The following ZSWIM5 variants were observed in gnomAD, a reference collection of about 807,000 sequenced individuals.
The protein encoded by ZSWIM5 is zinc finger SWIM-type containing 5.
Under a neutral mutation model 119.6 loss-of-function variants are expected in ZSWIM5, and 55 were observed. That is an observed-to-expected ratio of 0.46 (90% CI 0.37 to 0.58). ZSWIM5 has a LOEUF of 0.58. Among genes scored for constraint, ZSWIM5 ranks in the 20% least tolerant of loss-of-function variants. The pLI is 0.00. For missense variants in ZSWIM5, 1,193 were observed against 1,512.8 expected, an observed-to-expected ratio of 0.79 and a Z score of 3.51; for synonymous variants, 537 against 606.9, an observed-to-expected ratio of 0.88 and a Z score of 1.69.
chr1:45,086,642 G>A (rs1426172555), intron 2 of ZSWIM5, among the ~76,000 whole-genome samples: 1 of 152,080 alleles, frequency 6.6e-6, no homozygotes, highest in Non-Finnish European at 1.5e-5. Flanking sequence ...GCGGGGTGGA[G>A]GGCAGGGGAA....
At chr1:45,069,375 A>G (rs967097732) in intron 2 of ZSWIM5, among the ~76,000 whole-genome samples, 31 of 152,004 alleles carry the variant, frequency 2.0e-4, no homozygotes, top group South Asian at 4.2e-4. Context: ...GCAGTGAGCC[A>G]AGATCGTGCC....
chr1:45,072,236 G>A lies in ZSWIM5; in HGVS notation c.953-11989C>T, dbSNP rs1291467426. 6.6e-6 allele frequency among the ~76,000 whole-genome samples: 1 copy of A among 151,916 alleles called. No homozygotes were observed. Among genetic ancestry groups the A allele is most frequent in the African/African-American group, 2.4e-5 (1 of 41,214 alleles). ...ACTTGTATGTCGTCTTTTGAGAAAT[G>A]TCTGTTCAGATCTATTGCCCATTTT... On this transcript the variant is annotated intron_variant, in intron 2 of 13. Coordinates refer to ENST00000359600, the MANE Select transcript of ZSWIM5 (RefSeq NM_020883.2). The surrounding 1 kb of genome is among the most constrained non-coding windows in gnomAD (Gnocchi z 4.1).
chr1:45,052,350 C>CT (rs1160355279), intron 4 of ZSWIM5, among the ~76,000 whole-genome samples: 5 of 151,854 alleles, frequency 3.3e-5, no homozygotes, highest in African/African-American at 1.2e-4. Flanking sequence ...TATAAACATC[C>CT]TTTAGGATGT....
chr1:45,044,202 A>AAAAGAGAG (rs111810805), intron 5 of ZSWIM5, among the ~76,000 whole-genome samples: 2 of 144,112 alleles, frequency 1.4e-5, no homozygotes, highest in African/African-American at 5.1e-5. Flanking sequence ...AAAAAAAAAA[A>AAAAGAGAG]AGAGAGAGAG....
chr1:45,058,824 AGTG>A, intron 3 of ZSWIM5, 65 bp from the exon 4 acceptor site: 1 of 1,583,528 alleles, frequency 6.3e-7, no homozygotes, highest in Non-Finnish European at 8.6e-7. Flanking sequence ...AGGAGAAGGA[AGTG>A]GGGGAGGGGG....
intron 3 of ZSWIM5, 26 bp from the exon 4 acceptor site, chr1:45,058,785 T>C (rs1645137314): frequency 1.2e-6 from 2 of 1,612,664 alleles, no homozygotes; most frequent in South Asian, 1.1e-5. Flanking sequence ...TGGCAAGGGA[T>C]TGGTGATTGT....
Position 45,160,852 on chromosome 1 carries a change from CTCTT to C in ZSWIM5, c.595+44900_595+44903del, listed in dbSNP as rs556100150. On this transcript the variant is annotated intron_variant, in intron 1 of 13. Coordinates refer to ENST00000359600, the MANE Select transcript of ZSWIM5 (RefSeq NM_020883.2). ...TTTTTTTTTTTTTTAGACGGAGTCT[CTCTT>C]TGTCGCCCAGGCTGGAGTGCAGTGG... Among the ~76,000 whole-genome samples, 306 of 143,282 alleles carry C rather than the reference CTCTT, an allele frequency of 2.1e-3. 1 individual carries two copies. The highest frequency in any genetic ancestry group is 7.6e-3 in the African/African-American group (290 of 38,308). The allele number at this position is 143,282 out of a possible 152,430, so 94.0% of individuals were successfully genotyped here.
intron 1 of ZSWIM5, among the ~76,000 whole-genome samples, chr1:45,128,447 C>T (rs1004531096): frequency 2.0e-5 from 3 of 152,296 alleles, no homozygotes; most frequent in Middle Eastern, 3.4e-3. Context: ...GATCCTCCCG[C>T]TTTGGCCTCC....
rs1378385111 is a variant in ZSWIM5, at chr1:45,020,656, A to C, written c.2582T>G (p.Leu861Arg). The change falls in exon 12 of 14, where the codon CTG becomes CGG. Residue 861 changes from leucine (L) to arginine (R), a missense_variant. This residue lies in a region of ZSWIM5 where 961 missense variants were observed against 1,290.0 expected (regional missense o/e 0.74). Transcript: ENST00000359600. ...TPTDSSTDST[L>R]LNVALELGLQ... ...CCCAAGTTCCAGGGCAACGTTGAGC[A>C]GGGTGCTGTCAGTACTACTGTCGGT... The C allele has an allele frequency of 6.2e-7, 1 of 1,614,068 alleles. No individual in the cohort carries two copies. Among genetic ancestry groups the C allele is most frequent in the South Asian group, 1.1e-5 (1 of 91,058 alleles).
At chr1:45,101,862 G>A (rs772228764) in intron 1 of ZSWIM5, among the ~76,000 whole-genome samples, 58 of 152,224 alleles carry the variant, frequency 3.8e-4, no homozygotes, top group Non-Finnish European at 6.8e-4. Flanking sequence ...TACACAGGGC[G>A]GGGAACATCA....
At chr1:45,039,100 G>C in intron 7 of ZSWIM5, 27 bp from the exon 8 acceptor site, 1 of 1,613,206 alleles carries the variant, frequency 6.2e-7, no homozygotes, top group African/African-American at 1.3e-5. Flanking sequence ...TAAAATTTTA[G>C]ACAGTGATAG....
chr1:45,061,799 A>G (rs1167600061), intron 2 of ZSWIM5, among the ~76,000 whole-genome samples: 2 of 148,990 alleles, frequency 1.3e-5, no homozygotes, highest in Admixed American at 1.3e-4. Context: ...CTTTTGAAAT[A>G]TACATTATTG....
intron 2 of ZSWIM5, among the ~76,000 whole-genome samples, chr1:45,062,025 C>T (rs144969764): frequency 7.4e-4 from 113 of 152,100 alleles, no homozygotes; most frequent in Middle Eastern, 3.4e-3. Context: ...GGGAGGTGAA[C>T]ATTGCAGTGA....
chr1:45,081,435 G>A (rs1017767862), intron 2 of ZSWIM5, among the ~76,000 whole-genome samples: 19 of 152,108 alleles, frequency 1.2e-4, no homozygotes, highest in African/African-American at 2.7e-4. Context: ...CTCAGCCTGC[G>A]GAGTGCCTGC....
At chr1:45,060,035 G>T in intron 3 of ZSWIM5, 64 bp downstream of exon 3, 1 of 1,578,136 alleles carries the variant, frequency 6.3e-7, no homozygotes. Context: ...GAAGTGTGGT[G>T]TGCCCAGTCT....
chr1:45,060,441 T>C (rs967912917), intron 2 of ZSWIM5, among the ~76,000 whole-genome samples, 194 bp from the exon 3 acceptor site: 1 of 152,194 alleles, frequency 6.6e-6, no homozygotes, highest in Non-Finnish European at 1.5e-5. Flanking sequence ...AATTAAAAGA[T>C]CTAATGCTAC....
chr1:45,086,011 A>G (rs346704), intron 2 of ZSWIM5, among the ~76,000 whole-genome samples: 9,535 of 152,246 alleles, frequency 0.063, 348 homozygotes, highest in East Asian at 0.11. Context: ...GAGAATCGGT[A>G]ATTTATTTTT....
intron 1 of ZSWIM5, among the ~76,000 whole-genome samples, chr1:45,110,664 C>A (rs2149023261): frequency 6.6e-6 from 1 of 152,240 alleles, no homozygotes; most frequent in Non-Finnish European, 1.5e-5. Context: ...CCAGGTAAAG[C>A]ATTTTCTCAT....
Position 45,139,767 on chromosome 1 carries a change from G to C in ZSWIM5, c.596-51530C>G, listed in dbSNP as rs146365692. On this transcript the variant is annotated intron_variant, in intron 1 of 13. Transcript: ENST00000359600. ...TTGCCCAGGCTGGTCTCAAACTCCTGAACTCAAGTGATCCTCCCACCTCAG... is the reference window on the plus strand; with the variant it reads ...TTGCCCAGGCTGGTCTCAAACTCCTCAACTCAAGTGATCCTCCCACCTCAG... Among the ~76,000 whole-genome samples, 239 of 125,382 alleles carry C rather than the reference G, an allele frequency of 1.9e-3. 1 individual carries two copies. The highest frequency in any genetic ancestry group is 7.0e-3 in the African/African-American group (225 of 31,950). The allele number at this position is 125,382 out of a possible 152,430, so 82.3% of individuals were successfully genotyped here. A position where few individuals can be genotyped will look rare whatever the true frequency, so the allele number is the denominator to read the frequency against.
Sources: allele counts gnomAD v4.1 joint callset (sites outside exome capture counted in the v4.1 genomes callset), GRCh38; gene constraint gnomAD v4.1.1; regional missense constraint gnomAD v4.1.1; non-coding constraint Gnocchi (gnomAD v3.1); transcripts MANE v1.5; gene names NCBI Gene and HGNC (gene_info 2026-07-23, HGNC 2026-07-21).